WDR26: variants seen among roughly 807,000 people sequenced by gnomAD.
WDR26 encodes WD repeat domain 26.
WDR26 carries 5 observed loss-of-function variants against 84.1 expected under a neutral mutation model. The ratio of observed to expected loss-of-function variants is 0.06; its 90% confidence interval spans 0.03 to 0.13. WDR26 has a LOEUF of 0.13. Ranked by LOEUF, WDR26 falls within the 10% of genes least tolerant of loss-of-function variation. The pLI is 1.00. For missense variants in WDR26, 642 were observed against 974.9 expected, an observed-to-expected ratio of 0.66 and a Z score of 4.55; for synonymous variants, 415 against 389.6, an observed-to-expected ratio of 1.07 and a Z score of -0.77.
At chr1:224,402,512 A>C (rs1054910229) in intron 8 of WDR26, among the ~76,000 whole-genome samples, 3 of 152,228 alleles carry the variant, frequency 2.0e-5, no homozygotes, top group Non-Finnish European at 1.5e-5. Context: ...AAGAAATCTG[A>C]AAACTGATTA....
At chr1:224,415,739 C>T (rs1022071798) in intron 6 of WDR26, among the ~76,000 whole-genome samples, 14 of 152,072 alleles carry the variant, frequency 9.2e-5, no homozygotes, top group African/African-American at 3.1e-4. Flanking sequence ...GGATTACAGG[C>T]GTGAGCCACT....
intron 7 of WDR26, among the ~76,000 whole-genome samples, chr1:224,411,064 G>C (rs1248117382): frequency 6.6e-6 from 1 of 152,132 alleles, no homozygotes; most frequent in Non-Finnish European, 1.5e-5. Context: ...TGGAGTCAAG[G>C]TATTCCGGGA....
intron 5 of WDR26, among the ~76,000 whole-genome samples, chr1:224,419,212 T>C (rs955817193): frequency 5.9e-5 from 9 of 152,220 alleles, no homozygotes; most frequent in Admixed American, 5.2e-4. Context: ...CACTTGTGAC[T>C]TAAAACTGTG....
At chr1:224,410,797 C>T (rs1382951822) in intron 7 of WDR26, among the ~76,000 whole-genome samples, 1 of 150,766 alleles carries the variant, frequency 6.6e-6, no homozygotes, top group Non-Finnish European at 1.5e-5. Context: ...CTCCCGGGCT[C>T]AAGTGATCCT....
At chr1:224,421,352 AG>A (rs1158727878) in intron 4 of WDR26, among the ~76,000 whole-genome samples, 1 of 152,212 alleles carries the variant, frequency 6.6e-6, no homozygotes, top group Non-Finnish European at 1.5e-5. Context: ...TTGGGAGATG[AG>A]GCAGGAGGAT....
Position 224,433,868 on chromosome 1 carries a change from C to T in WDR26, c.538G>A (p.Val180Ile). 6.5e-7 allele frequency: 1 copy of T among 1,536,932 alleles called. No individual in the cohort carries two copies. The highest frequency in any genetic ancestry group is 8.7e-7 in the Non-Finnish European group (1 of 1,146,792). ...GATGCGGCGGCCGCCCCGCCGGGAA[C>T]CCCGTTATTGACATTCAGGCTGTTG... Residue 180 changes from valine to isoleucine, a missense_variant, in exon 1 of 14, where the codon GTT (valine) becomes ATT (isoleucine). By Grantham distance (29) the Val-to-Ile change is conservative. Coordinates refer to ENST00000414423, the MANE Select transcript of WDR26 (RefSeq NM_001379403.1).
chr1:224,391,374 A>AC (rs60981158), intron 13 of WDR26, among the ~76,000 whole-genome samples: 48,204 of 114,524 alleles, frequency 0.42, 9,884 homozygotes, highest in East Asian at 0.63. Flanking sequence ...AAAAAAAAAA[A>AC]AAAAAAAAAC....
chr1:224,387,659 T>C lies in WDR26; in HGVS notation c.*2176A>G, dbSNP rs1277332316. On this transcript the variant is annotated 3_prime_UTR_variant, in exon 14 of 14. Transcript: ENST00000414423. The stretch of plus-strand genomic sequence containing the variant: ...CCTGAATGGGCACAAATCTGAGTGT[T>C]ACAAATGCACCGTAGCACACTGTAA... 1 of 152,582 alleles carries C rather than the reference T, an allele frequency of 6.6e-6. No homozygotes were observed. Among genetic ancestry groups the C allele is most frequent in the Non-Finnish European group, 1.5e-5 (1 of 68,006 alleles). 9.5% of individuals were successfully genotyped at this position (152,582 alleles called of 1,614,324 possible). A position where few individuals can be genotyped will look rare whatever the true frequency, so the allele number is the denominator to read the frequency against.
At chr1:224,401,907 C>T (rs1673432614) in intron 8 of WDR26, 1 of 151,956 alleles carries the variant, frequency 6.6e-6, no homozygotes, top group South Asian at 2.1e-4. Context: ...ATAGCCATTC[C>T]GTGGCATTTC....
rs996877123 is a variant in WDR26, at chr1:224,385,439, A to T, written c.*4396T>A. 13 of 152,574 alleles carry T rather than the reference A, an allele frequency of 8.5e-5. No individual in the cohort carries two copies. The highest frequency in any genetic ancestry group is 1.5e-5 in the Non-Finnish European group (1 of 68,044). 9.5% of individuals were successfully genotyped at this position (152,574 alleles called of 1,614,324 possible). On this transcript the variant is annotated 3_prime_UTR_variant, in exon 14 of 14. Transcript: ENST00000414423. ...TAAAGCAAAGAAATTTAAACTAAGTAAATATAATCTGAGAGGCAGTTAAAA... is the reference window on the plus strand; with the variant it reads ...TAAAGCAAAGAAATTTAAACTAAGTTAATATAATCTGAGAGGCAGTTAAAA...
chr1:224,403,868 T>C (rs561647385), intron 8 of WDR26, among the ~76,000 whole-genome samples: 1 of 150,932 alleles, frequency 6.6e-6, no homozygotes, highest in African/African-American at 2.4e-5. Context: ...ACCCAGGAGG[T>C]GGAGGCTGCA....
intron 13 of WDR26, among the ~76,000 whole-genome samples, chr1:224,390,925 A>G (rs755095511): frequency 2.6e-5 from 4 of 152,202 alleles, no homozygotes; most frequent in Non-Finnish European, 5.9e-5. Flanking sequence ...AGTAATCACT[A>G]TATCTATGTT....
intron 4 of WDR26, among the ~76,000 whole-genome samples, chr1:224,420,187 G>T (rs1055931278): frequency 6.6e-6 from 1 of 152,176 alleles, no homozygotes; most frequent in African/African-American, 2.4e-5. Context: ...GTCATCTTGT[G>T]AAAGATACTG....
At chr1:224,423,493 C>A (rs974353919) in intron 4 of WDR26, among the ~76,000 whole-genome samples, 4 of 152,164 alleles carry the variant, frequency 2.6e-5, no homozygotes, top group Admixed American at 1.3e-4. Flanking sequence ...TGCCTATTAA[C>A]CCAGCACCTT....
chr1:224,392,394 G>C (rs1208807370), intron 13 of WDR26, among the ~76,000 whole-genome samples: 1 of 151,880 alleles, frequency 6.6e-6, no homozygotes, highest in East Asian at 1.9e-4. Flanking sequence ...CTCTTCTGGA[G>C]TAAATCTGTT....
chr1:224,389,906 G>GGT, intron 13 of WDR26, 46 bp from the exon 14 acceptor site: 4 of 470,772 alleles, frequency 8.5e-6, no homozygotes, highest in Non-Finnish European at 1.6e-5. Flanking sequence ...GCGGGGGAGG[G>GGT]AAGAGGGGAA....
At chr1:224,391,378 A>AC (rs1558412322) in intron 13 of WDR26, among the ~76,000 whole-genome samples, 23 of 106,630 alleles carry the variant, frequency 2.2e-4, no homozygotes, top group South Asian at 1.9e-3. Context: ...AAAAAAAAAA[A>AC]AAAAACAAAA....
intron 7 of WDR26, among the ~76,000 whole-genome samples, chr1:224,407,760 C>T (rs1019166968): frequency 9.2e-5 from 14 of 152,136 alleles, no homozygotes; most frequent in African/African-American, 2.6e-4. Context: ...TCACCTGCCT[C>T]GGCCTTCCAA....
chr1:224,401,780 T>C (rs979563915), intron 8 of WDR26, among the ~76,000 whole-genome samples: 1 of 150,302 alleles, frequency 6.7e-6, no homozygotes, highest in Non-Finnish European at 1.5e-5. Flanking sequence ...TTAAATTTCA[T>C]ATTCAAATGC....
Sources: allele counts gnomAD v4.1 joint callset (sites outside exome capture counted in the v4.1 genomes callset), GRCh38; gene constraint gnomAD v4.1.1; transcripts MANE v1.5; gene names NCBI Gene and HGNC (gene_info 2026-07-23, HGNC 2026-07-21).